The following PTPRD variants were observed in gnomAD, a reference collection of about 807,000 sequenced individuals.
PTPRD encodes the protein receptor-type tyrosine-protein phosphatase delta.
In PTPRD, 34 loss-of-function variants were observed where a neutral mutation model predicts 214.5. That is an observed-to-expected ratio of 0.16 (90% CI 0.12 to 0.21). The LOEUF (loss-of-function observed/expected upper bound fraction) is 0.21, where lower values mean the gene tolerates loss of function less well. PTPRD is among the 10% of genes least tolerant of loss of function. PTPRD has a pLI of 1.00. For missense variants in PTPRD, 2,545 were observed against 2,398.7 expected (o/e 1.06, Z -1.27); for synonymous variants, 1,128 against 845.7 (o/e 1.33, Z -5.79).
intron 3 of PTPRD, among the ~76,000 whole-genome samples, chr9:10,217,860 G>C (rs2099548732): frequency 6.6e-6 from 1 of 151,896 alleles, no homozygotes. Context: ...AGCAGCTTAA[G>C]GAGCTTTCAA....
Position 9,291,070 on chromosome 9 carries a change from G to A in PTPRD, c.-203+106379C>T, listed in dbSNP as rs369407931. 3.6e-4 allele frequency among the ~76,000 whole-genome samples: 54 copies of A among 151,412 alleles called. No individual in the cohort carries two copies. In the East Asian group the frequency reaches 0.01, roughly 29 times the overall value. Reference sequence around the variant, plus strand: ...AATTTATATTTCTTCTTAAAATTTGGTTGGTATCAATTTCCTAAGAAACTT... The same window carrying A: ...AATTTATATTTCTTCTTAAAATTTGATTGGTATCAATTTCCTAAGAAACTT... On this transcript the variant is annotated intron_variant, in intron 9 of 45. Transcript: ENST00000381196.
At chr9:10,203,658 T>C (rs1045767541) in intron 3 of PTPRD, among the ~76,000 whole-genome samples, 1 of 152,136 alleles carries the variant, frequency 6.6e-6, no homozygotes, top group African/African-American at 2.4e-5. Flanking sequence ...GAAATAAAGA[T>C]CCTTAATTGG....
chr9:10,259,927 A>G (rs1394777549), intron 3 of PTPRD, among the ~76,000 whole-genome samples: 1 of 152,128 alleles, frequency 6.6e-6, no homozygotes, highest in Non-Finnish European at 1.5e-5. Context: ...GGATATGCAC[A>G]AGCATCAGGC....
intron 2 of PTPRD, among the ~76,000 whole-genome samples, chr9:10,366,590 T>C (rs1268915201): frequency 6.6e-6 from 1 of 152,166 alleles, no homozygotes; most frequent in African/African-American, 2.4e-5. Flanking sequence ...ACTCACAACA[T>C]AAAATTGTCA....
chr9:9,533,899 T>C lies in PTPRD; in HGVS notation c.-237+40833A>G, dbSNP rs912479563. 3.9e-5 allele frequency among the ~76,000 whole-genome samples: 6 copies of C among 152,090 alleles called. 1 individual carries two copies. The highest frequency in any genetic ancestry group is 8.8e-5 in the Non-Finnish European group (6 of 67,978). The stretch of plus-strand genomic sequence containing the variant: ...AAAATTTAAAATATACTTTTCCATA[T>C]TTATCTCCTTTTTACTGTATCCTTA... On this transcript the variant is annotated intron_variant, in intron 8 of 45. Transcript: ENST00000381196.
At chr9:10,255,876 C>T (rs984129358) in intron 3 of PTPRD, among the ~76,000 whole-genome samples, 1 of 152,144 alleles carries the variant, frequency 6.6e-6, no homozygotes, top group African/African-American at 2.4e-5. Context: ...TAGCCTAGAC[C>T]AGGGATTCAT....
rs2098441680 is a variant in PTPRD at position 10,412,096 on chromosome 9, G to A, written c.-599-71079C>T. The stretch of plus-strand genomic sequence containing the variant: ...ATTCTATTCATGTAAACTCTGCAGT[G>A]CATTAGAAACAGCCTGAGGGAAGAT... On this transcript the variant is annotated intron_variant, in intron 2 of 45. Coordinates refer to ENST00000381196, the MANE Select transcript of PTPRD (RefSeq NM_002839.4). 2.6e-5 allele frequency among the ~76,000 whole-genome samples: 4 copies of A among 151,668 alleles called. No homozygotes were observed. The Admixed American group carries it at 2.6e-4, about 10-fold the overall frequency.
chr9:8,733,596 A>T (rs1167650919), intron 12 of PTPRD, among the ~76,000 whole-genome samples, 184 bp downstream of exon 12: 1 of 152,184 alleles, frequency 6.6e-6, no homozygotes, highest in Non-Finnish European at 1.5e-5. Context: ...AACGGAGAGG[A>T]AATGGTGAGG....
Position 8,349,690 on chromosome 9 carries a change from G to C in PTPRD, c.4662-7712C>G, listed in dbSNP as rs185846540. The stretch of plus-strand genomic sequence containing the variant: ...TTTTAAAAAAGGAGTGCATAACCCT[G>C]TGCTTCAGGCTGAGGCCAGCACAAT... On this transcript the variant is annotated intron_variant, in intron 39 of 45. Transcript: ENST00000381196. Among the ~76,000 whole-genome samples, 105 of 152,272 alleles carry C rather than the reference G, an allele frequency of 6.9e-4. 1 individual carries two copies. The highest frequency in any genetic ancestry group is 2.1e-3 in the Admixed American group (32 of 15,286).
chr9:10,164,967 A>C (rs1375203284), intron 3 of PTPRD, among the ~76,000 whole-genome samples: 8 of 151,570 alleles, frequency 5.3e-5, no homozygotes, highest in Non-Finnish European at 1.2e-4. Context: ...TTTAACCTGA[A>C]CTATCCAAAA....
At chr9:8,497,351 G>C in intron 25 of PTPRD, 83 bp from the exon 26 acceptor site, 1 of 1,187,598 alleles carries the variant, frequency 8.4e-7, no homozygotes, top group Non-Finnish European at 1.2e-6. Context: ...TGTTGCCCTT[G>C]TTAGATTAAA....
chr9:9,403,755 A>C (rs1270770879), intron 8 of PTPRD, among the ~76,000 whole-genome samples: 1 of 152,062 alleles, frequency 6.6e-6, no homozygotes, highest in Admixed American at 6.6e-5. Flanking sequence ...TTTGTATTCT[A>C]TTTTAGGCAT....
intron 2 of PTPRD, among the ~76,000 whole-genome samples, chr9:10,496,875 G>C (rs930919730): frequency 1.3e-5 from 2 of 151,912 alleles, no homozygotes; most frequent in Non-Finnish European, 2.9e-5. Context: ...CAGATGCATA[G>C]TTTGCAAGTA....
At chr9:8,853,658 C>T (rs1031189615) in intron 11 of PTPRD, among the ~76,000 whole-genome samples, 7 of 152,172 alleles carry the variant, frequency 4.6e-5, no homozygotes, top group African/African-American at 1.7e-4. Flanking sequence ...AATCTTCTTC[C>T]ACATTATCAG....
intron 2 of PTPRD, among the ~76,000 whole-genome samples, chr9:10,476,525 G>C (rs375105451): frequency 1.3e-5 from 2 of 152,082 alleles, no homozygotes; most frequent in African/African-American, 2.4e-5. Context: ...CATACTCATG[G>C]GTAGGAAGAA....
At chr9:8,346,899 C>T (rs1349012737) in intron 39 of PTPRD, among the ~76,000 whole-genome samples, 1 of 152,132 alleles carries the variant, frequency 6.6e-6, no homozygotes, top group Non-Finnish European at 1.5e-5. Context: ...CATGATTGTT[C>T]TGCTGTTGCA....
At chr9:8,434,195 T>G (rs1168820727) in intron 35 of PTPRD, among the ~76,000 whole-genome samples, 1 of 152,182 alleles carries the variant, frequency 6.6e-6, no homozygotes, top group Non-Finnish European at 1.5e-5. Context: ...TTGACCAGGC[T>G]GATCCCGAAC....
At chr9:8,412,795 T>C (rs974701214) in intron 35 of PTPRD, among the ~76,000 whole-genome samples, 6 of 152,166 alleles carry the variant, frequency 3.9e-5, no homozygotes, top group Non-Finnish European at 4.4e-5. Context: ...ACTTACTATA[T>C]AACATGCCCA....
chr9:9,759,866 C>G (rs2098636012), intron 6 of PTPRD, among the ~76,000 whole-genome samples: 1 of 152,102 alleles, frequency 6.6e-6, no homozygotes, highest in South Asian at 2.1e-4. Context: ...CAAGGTCTGT[C>G]TGAAATGATA....
Sources: gnomAD v4.1 joint callset for allele counts (sites outside exome capture counted in the v4.1 genomes callset) on GRCh38, gnomAD v4.1.1 for gene constraint, MANE v1.5 for transcripts, NCBI Gene and HGNC (gene_info 2026-07-23, HGNC 2026-07-21) for gene names.